TNIK: variants seen among roughly 807,000 people sequenced by gnomAD.
TNIK encodes TRAF2 and NCK interacting kinase, also known as TRAF2 and NCK-interacting protein kinase.
In TNIK, 49 loss-of-function variants were observed where a neutral mutation model predicts 191.3. The ratio of observed to expected loss-of-function variants is 0.26; its 90% confidence interval spans 0.20 to 0.32. TNIK has a LOEUF of 0.32. TNIK is among the 10% of genes least tolerant of loss of function. TNIK has a pLI of 1.00. For synonymous variants in TNIK, 594 were observed against 600.9 expected, an observed-to-expected ratio of 0.99 and a Z score of 0.17; for missense variants, 1,155 against 1,702.3, an observed-to-expected ratio of 0.68 and a Z score of 5.66.
At chr3:171,274,537 T>A (rs1194544517) in intron 2 of TNIK, among the ~76,000 whole-genome samples, 1 of 152,110 alleles carries the variant, frequency 6.6e-6, no homozygotes, top group Non-Finnish European at 1.5e-5. Context: ...ATAAAAATGT[T>A]ATAATATAAG....
At chr3:171,232,734 T>C (rs1230819638) in intron 2 of TNIK, among the ~76,000 whole-genome samples, 3 of 147,314 alleles carry the variant, frequency 2.0e-5, no homozygotes, top group Non-Finnish European at 2.9e-5. Flanking sequence ...CTTAAGAACC[T>C]ACTCTGCTCC....
chr3:171,308,538 A>G (rs1252898310), intron 2 of TNIK, among the ~76,000 whole-genome samples: 1 of 152,212 alleles, frequency 6.6e-6, no homozygotes, highest in African/African-American at 2.4e-5. Flanking sequence ...AAGCAATTCA[A>G]ACAAAACCAA....
chr3:171,365,052 G>A (rs574809798), intron 2 of TNIK, among the ~76,000 whole-genome samples: 1 of 150,428 alleles, frequency 6.6e-6, no homozygotes, highest in East Asian at 2.0e-4. Flanking sequence ...AATGAATCAA[G>A]CAACTGAGGC....
intron 2 of TNIK, among the ~76,000 whole-genome samples, chr3:171,253,600 C>T (rs1294469000): frequency 7.6e-6 from 1 of 131,478 alleles, no homozygotes; most frequent in Non-Finnish European, 1.6e-5. Flanking sequence ...CCCCCCCCCA[C>T]CCCACCCCCA....
rs79029735 is a variant in TNIK at position 171,348,840 on chromosome 3, T to C, written c.123+20780A>G. ...AAGTATAGTGGTCCAAATACCAACA[T>C]GATTTAGTGAGACAAGGGCAAATAT... On this transcript the variant is annotated intron_variant, in intron 2 of 32. Coordinates refer to ENST00000436636, the MANE Select transcript of TNIK (RefSeq NM_015028.4). 6.6e-5 allele frequency among the ~76,000 whole-genome samples: 10 copies of C among 152,050 alleles called. No homozygotes were observed. The East Asian group carries it at 1.5e-3, about 23-fold the overall frequency.
In TNIK at chr3:171,126,096, G is replaced by GA; in HGVS notation, c.1828dup (p.Ser610PhefsTer45). 6.3e-7 allele frequency: 1 copy of GA among 1,597,378 alleles called. No homozygotes were observed. Among genetic ancestry groups the GA allele is most frequent in the Non-Finnish European group, 8.5e-7 (1 of 1,171,608 alleles). On this transcript the variant is annotated frameshift_variant, in exon 17 of 33. Coordinates refer to ENST00000436636, the MANE Select transcript of TNIK (RefSeq NM_015028.4). LOFTEE classifies it high-confidence loss of function. ...GCCCTTTGTGGGCTGCTCGTGCACT[G>GA]ACTGGGAGGCGGTCAAGGCAGGTCC... is the stretch of plus-strand genomic sequence containing the variant.
chr3:171,065,855 A>C (rs1718374993), intron 32 of TNIK, among the ~76,000 whole-genome samples: 1 of 152,250 alleles, frequency 6.6e-6, no homozygotes, highest in African/African-American at 2.4e-5. Context: ...GGAAGTATAA[A>C]GTTGACCCAC....
At chr3:171,252,541 A>C (rs938430190) in intron 2 of TNIK, among the ~76,000 whole-genome samples, 1 of 152,236 alleles carries the variant, frequency 6.6e-6, no homozygotes, top group African/African-American at 2.4e-5. Context: ...GGTAACATGC[A>C]TATTAAAATA....
At chr3:171,395,564 G>A (rs1219539816) in intron 1 of TNIK, among the ~76,000 whole-genome samples, 2 of 152,190 alleles carry the variant, frequency 1.3e-5, no homozygotes, top group Admixed American at 6.5e-5. Flanking sequence ...AATAGGCATG[G>A]TGATGACAAA....
At chr3:171,292,112 C>G (rs1006586301) in intron 2 of TNIK, among the ~76,000 whole-genome samples, 2 of 152,124 alleles carry the variant, frequency 1.3e-5, no homozygotes, top group Non-Finnish European at 2.9e-5. Context: ...CTGAAATTCC[C>G]TATATTTTCA....
chr3:171,387,382 T>C (rs115556956), intron 1 of TNIK, among the ~76,000 whole-genome samples: 57 of 152,250 alleles, frequency 3.7e-4, no homozygotes, highest in African/African-American at 1.3e-3. Flanking sequence ...AGATAGAGTG[T>C]CTCCTACATT....
intron 5 of TNIK, among the ~76,000 whole-genome samples, chr3:171,192,514 G>C (rs1330147451): frequency 6.6e-6 from 1 of 152,176 alleles, no homozygotes; most frequent in Non-Finnish European, 1.5e-5. Context: ...GAAAGCCATT[G>C]TTTCCACACA....
intron 32 of TNIK, chr3:171,064,167 C>A (rs1718132756): frequency 3.7e-6 from 2 of 533,980 alleles, no homozygotes; most frequent in Non-Finnish European, 3.3e-6. Context: ...TGTTATTATT[C>A]CTTATTGTGG....
chr3:171,240,746 C>T (rs886333415), intron 2 of TNIK, among the ~76,000 whole-genome samples: 6 of 152,186 alleles, frequency 3.9e-5, no homozygotes, highest in African/African-American at 1.4e-4. Flanking sequence ...GCTGCTATAT[C>T]TAAAACTTCA....
intron 1 of TNIK, among the ~76,000 whole-genome samples, chr3:171,457,169 C>A (rs982804104): frequency 1.3e-5 from 2 of 152,248 alleles, no homozygotes; most frequent in African/African-American, 4.8e-5. Context: ...GCTTCACTCA[C>A]TTTTAAACCA....
intron 1 of TNIK, among the ~76,000 whole-genome samples, chr3:171,438,827 G>T (rs901014008): frequency 6.6e-6 from 1 of 152,220 alleles, no homozygotes; most frequent in East Asian, 1.9e-4. Context: ...ACCACCACTT[G>T]TGGTGGGATC....
At chr3:171,242,914 T>C (rs1745156840) in intron 2 of TNIK, among the ~76,000 whole-genome samples, 1 of 152,212 alleles carries the variant, frequency 6.6e-6, no homozygotes, top group South Asian at 2.1e-4. Flanking sequence ...AAAAATCTTT[T>C]TGAGAAGAAT....
At chr3:171,331,089 A>T (rs1756378145) in intron 2 of TNIK, among the ~76,000 whole-genome samples, 1 of 152,228 alleles carries the variant, frequency 6.6e-6, no homozygotes, top group African/African-American at 2.4e-5. Flanking sequence ...TGATGCTCTG[A>T]AACAGCAGCA....
At chr3:171,074,363 GGGGAGT>G (rs1263829221) in intron 28 of TNIK, among the ~76,000 whole-genome samples, 25 of 152,232 alleles carry the variant, frequency 1.6e-4, no homozygotes, top group African/African-American at 5.3e-4. Flanking sequence ...GACTCTAAAA[GGGGAGT>G]GGCAGGTTAA....
Sources: allele counts gnomAD v4.1 joint callset (sites outside exome capture counted in the v4.1 genomes callset), GRCh38; gene constraint gnomAD v4.1.1; transcripts MANE v1.5; gene names NCBI Gene and HGNC (gene_info 2026-07-23, HGNC 2026-07-21).